The following COL24A1 variants were observed in gnomAD, a reference collection of about 807,000 sequenced individuals.
The protein encoded by COL24A1 is collagen type XXIV alpha 1 chain.
Under a neutral mutation model 253.9 loss-of-function variants are expected in COL24A1, and 224 were observed. The ratio of observed to expected loss-of-function variants is 0.88; its 90% confidence interval spans 0.79 to 0.99. The LOEUF (loss-of-function observed/expected upper bound fraction) is 0.99, where lower values mean the gene tolerates loss of function less well. COL24A1 is among the 50% of genes least tolerant of loss of function. COL24A1 has a pLI of 0.00. For synonymous variants in COL24A1, 685 were observed against 673.7 expected, an observed-to-expected ratio of 1.02 and a Z score of -0.26; for missense variants, 2,131 against 2,068.5, an observed-to-expected ratio of 1.03 and a Z score of -0.59.
intron 5 of COL24A1, among the ~76,000 whole-genome samples, chr1:86,097,360 G>C (rs568662755): frequency 2.1e-4 from 31 of 144,226 alleles, no homozygotes; most frequent in South Asian, 1.1e-3. Flanking sequence ...TGTTGTTGTT[G>C]TTCTTCTTCT....
chr1:85,786,572 T>C (rs376573619), intron 47 of COL24A1, 111 bp from the exon 48 acceptor site: 3 of 723,634 alleles, frequency 4.1e-6, no homozygotes, highest in Non-Finnish European at 4.3e-6. Context: ...GTTAACATAC[T>C]GCCCAGGAGT....
intron 24 of COL24A1, among the ~76,000 whole-genome samples, chr1:85,937,463 AAGAT>A (rs1688338999): frequency 6.8e-6 from 1 of 147,606 alleles, no homozygotes; most frequent in Non-Finnish European, 1.5e-5. Context: ...ACGAAGTGTG[AAGAT>A]CTTTGTATCA....
chr1:86,011,308 A>G (rs1696462776), intron 19 of COL24A1, among the ~76,000 whole-genome samples: 1 of 152,184 alleles, frequency 6.6e-6, no homozygotes, highest in Non-Finnish European at 1.5e-5. Flanking sequence ...TTAACCTCTG[A>G]TTTTAGCCTT....
intron 24 of COL24A1, among the ~76,000 whole-genome samples, chr1:85,956,010 A>G (rs1690425348): frequency 6.6e-6 from 1 of 152,206 alleles, no homozygotes; most frequent in South Asian, 2.1e-4. Context: ...ATTCTCAAGG[A>G]TGCACTTCAA....
At chr1:86,022,179 G>A in intron 18 of COL24A1, 61 bp downstream of exon 18, 1 of 1,419,512 alleles carries the variant, frequency 7.0e-7, no homozygotes, top group Non-Finnish European at 1.0e-6. Flanking sequence ...ACAGTGTCGA[G>A]ACTCATGCCA....
intron 14 of COL24A1, among the ~76,000 whole-genome samples, chr1:86,028,043 T>C (rs1293823435): frequency 1.3e-5 from 2 of 152,142 alleles, no homozygotes; most frequent in African/African-American, 4.8e-5. Context: ...GCCCCTTTGT[T>C]TTGGCCAATA....
intron 1 of COL24A1, among the ~76,000 whole-genome samples, chr1:86,151,709 T>C (rs1181924856): frequency 6.6e-6 from 1 of 152,194 alleles, no homozygotes; most frequent in African/African-American, 2.4e-5. Flanking sequence ...ATTCAAAAGA[T>C]CCAAGTTGCT....
At chr1:86,099,025 G>A (rs1195357648) in intron 5 of COL24A1, among the ~76,000 whole-genome samples, 1 of 152,110 alleles carries the variant, frequency 6.6e-6, no homozygotes, top group Non-Finnish European at 1.5e-5. Flanking sequence ...TGAAGTATAT[G>A]TAGAATGTTG....
At chr1:86,073,960 G>C (rs12564004) in intron 7 of COL24A1, among the ~76,000 whole-genome samples, 1 of 150,286 alleles carries the variant, frequency 6.7e-6, no homozygotes, top group Non-Finnish European at 1.5e-5. Context: ...TACAAGGAGG[G>C]AGCATTAAAT....
At chr1:85,991,228 C>T (rs1694233164) in intron 19 of COL24A1, among the ~76,000 whole-genome samples, 1 of 152,136 alleles carries the variant, frequency 6.6e-6, no homozygotes, top group Non-Finnish European at 1.5e-5. Flanking sequence ...CACCATGAGA[C>T]TATAATCAGC....
chr1:85,893,656 G>T (rs1683365118), intron 31 of COL24A1, among the ~76,000 whole-genome samples: 1 of 152,088 alleles, frequency 6.6e-6, no homozygotes, highest in African/African-American at 2.4e-5. Flanking sequence ...TTGGTCCACG[G>T]ACAAATATAC....
At chr1:85,736,315 G>T in intron 58 of COL24A1, 3 of 456,210 alleles carry the variant, frequency 6.6e-6, no homozygotes, top group Non-Finnish European at 1.3e-5. Context: ...AATTAGAGAA[G>T]TGATTTGGTC....
At chr1:86,134,328 T>C (rs148644471) in intron 2 of COL24A1, among the ~76,000 whole-genome samples, 2 of 151,616 alleles carry the variant, frequency 1.3e-5, no homozygotes, top group Non-Finnish European at 2.9e-5. Context: ...TTTTTGAAGG[T>C]TTTTTGTGTC....
chr1:86,140,188 C>T lies in COL24A1; in HGVS notation c.121+5931G>A, dbSNP rs527413434. Among the ~76,000 whole-genome samples the T allele has an allele frequency of 3.5e-4, 54 of 152,244 alleles. 2 individuals are homozygous for T. In the South Asian group the frequency reaches 9.9e-3, roughly 28 times the overall value. ...GTAGTAAGTATTACTATTTTCTTCA[C>T]TTTAGCATTGTTAAAAATGAGGCTC... On this transcript the variant is annotated intron_variant, in intron 2 of 59. Transcript: ENST00000370571.
intron 2 of COL24A1, among the ~76,000 whole-genome samples, chr1:86,142,402 A>G (rs1356678006): frequency 6.6e-6 from 1 of 151,874 alleles, no homozygotes; most frequent in Non-Finnish European, 1.5e-5. Context: ...GGGTGCCTGT[A>G]GTCCCAGCTA....
In COL24A1 at chr1:85,965,565, G is replaced by A. The variant is rs563865392; in HGVS notation, c.2464-503C>T. ...AGTGACTTGTCTTTGATGACAATGA[G>A]AGAGAGAGAGAGAGAAGCTATTTCC... On this transcript the variant is annotated intron_variant, in intron 22 of 59. Coordinates refer to ENST00000370571, the MANE Select transcript of COL24A1 (RefSeq NM_152890.7). 1.5e-3 allele frequency among the ~76,000 whole-genome samples: 221 copies of A among 149,834 alleles called. 1 individual carries two copies. The highest frequency in any genetic ancestry group is 2.7e-3 in the Non-Finnish European group (185 of 67,274).
At chr1:85,923,926 G>T (rs546464900) in intron 24 of COL24A1, among the ~76,000 whole-genome samples, 39 of 152,040 alleles carry the variant, frequency 2.6e-4, no homozygotes, top group Non-Finnish European at 4.7e-4. Flanking sequence ...CTGCTAGCAA[G>T]ACTAATAAAG....
chr1:85,904,565 T>C (rs1684623777), intron 28 of COL24A1, among the ~76,000 whole-genome samples: 1 of 152,198 alleles, frequency 6.6e-6, no homozygotes, highest in Admixed American at 6.6e-5. Flanking sequence ...TTTCATTTTA[T>C]TTAATTATTC....
chr1:85,938,499 C>T (rs115597757), intron 24 of COL24A1, among the ~76,000 whole-genome samples: 2 of 146,764 alleles, frequency 1.4e-5, no homozygotes, highest in East Asian at 4.3e-4. Context: ...ATTAATATCA[C>T]TGAAGTCTTA....
Sources: gnomAD v4.1 joint callset for allele counts (sites outside exome capture counted in the v4.1 genomes callset) on GRCh38, gnomAD v4.1.1 for gene constraint, MANE v1.5 for transcripts, NCBI Gene and HGNC (gene_info 2026-07-23, HGNC 2026-07-21) for gene names.